Variants in HLA-DOA observed in about 807,000 individuals in gnomAD.
The protein encoded by HLA-DOA is major histocompatibility complex, class II, DO alpha.
HLA-DOA carries 27 observed loss-of-function variants against 22.9 expected under a neutral mutation model. The ratio of observed to expected loss-of-function variants is 1.18; its 90% CI spans 0.87 to 1.62. The LOEUF (loss-of-function observed/expected upper bound fraction) is 1.62. Among genes scored for constraint, HLA-DOA ranks in the 40% most tolerant of loss-of-function variants. The probability of loss-of-function intolerance (pLI) is 0.00; values close to 1 mark genes in which losing one functional copy is unlikely to be tolerated. For synonymous variants in HLA-DOA, 137 were observed against 138.6 expected (o/e 0.99, Z 0.08); for missense variants, 324 against 332.4 (o/e 0.97, Z 0.20).
chr6:33,008,269 T>G lies in HLA-DOA; in HGVS notation c.83-8A>C. 6.2e-7 allele frequency: 1 copy of G among 1,612,062 alleles called. No individual in the cohort carries two copies. The highest frequency in any genetic ancestry group is 8.5e-7 in the Non-Finnish European group (1 of 1,179,626). ...AGGAGCCCATGTGGTCAGCTGTGTT[T>G]GGCGAGTTCAGGGTCAAGGAGAGAG... is the stretch of plus-strand genomic sequence containing the variant. On this transcript the variant is annotated splice_region_variant and splice_polypyrimidine_tract_variant and intron_variant, in intron 1 of 4. Coordinates refer to ENST00000229829, the MANE Select transcript of HLA-DOA (RefSeq NM_002119.4).
In HLA-DOA at chr6:33,009,407, TCC is replaced by T. The variant is rs1411683700; in HGVS notation, c.82+46_82+47del. The T allele has an allele frequency of 7.2e-7, 1 of 1,387,458 alleles. No homozygotes were observed. Among genetic ancestry groups the T allele is most frequent in the African/African-American group, 1.4e-5 (1 of 69,712 alleles). 85.9% of individuals were successfully genotyped at this position (1,387,458 alleles called of 1,614,324 possible). On this transcript the variant is annotated intron_variant, in intron 1 of 4. Coordinates refer to ENST00000229829, the MANE Select transcript of HLA-DOA (RefSeq NM_002119.4). This position sits in a 1 kb window ranked among gnomAD's most constrained non-coding sequence, Gnocchi z 4.8. ...ATGCCACCTCCTCATGTAACCCAAC[TCC>T]GTAAATCTCTGCTCCCCGCCGCACC... is the stretch of plus-strand genomic sequence containing the variant.
At chr6:33,006,895 T>C (rs1041754717) in intron 4 of HLA-DOA, 54 bp from the exon 5 acceptor site, 2 of 1,517,186 alleles carry the variant, frequency 1.3e-6, no homozygotes, top group African/African-American at 2.7e-5. Flanking sequence ...TATGCTGGGA[T>C]CCTATCTCTG....
rs1446077184 is a variant in HLA-DOA, at chr6:33,006,756, G to A, written c.*82C>T. The A allele has an allele frequency of 6.2e-7, 1 of 1,611,484 alleles. No homozygotes were observed. Among genetic ancestry groups the A allele is most frequent in the African/African-American group, 1.3e-5 (1 of 74,896 alleles). ...TCAGCACAGCGGGATGCACTTAAAG[G>A]GCACTGAGCACGCAGGGGCTGTCAC... On this transcript the variant is annotated 3_prime_UTR_variant, in exon 5 of 5. Transcript: ENST00000229829.
chr6:33,007,051 C>G, intron 4 of HLA-DOA, 29 bp downstream of exon 4: 4 of 1,592,028 alleles, frequency 2.5e-6, no homozygotes, highest in East Asian at 4.5e-5. Context: ...TTTCCTCCCC[C>G]ACCCCCCAGA....
chr6:33,008,419 G>C, intron 1 of HLA-DOA, 158 bp from the exon 2 acceptor site: 2 of 1,443,818 alleles, frequency 1.4e-6, no homozygotes. Flanking sequence ...GAGAGAGAAA[G>C]GGAGAGAGAA....
rs1780796615 is a variant in HLA-DOA at position 33,006,053 on chromosome 6, A to G, written c.*785T>C. 1 of 152,188 alleles carries G rather than the reference A, an allele frequency of 6.6e-6. No individual in the cohort carries two copies. The highest frequency in any genetic ancestry group is 6.5e-5 in the Admixed American group (1 of 15,280). The allele number at this position is 152,188 out of a possible 1,614,324, so 9.4% of individuals were successfully genotyped here. A position where few individuals can be genotyped will look rare whatever the true frequency, so the allele number is the denominator to read the frequency against. On this transcript the variant is annotated 3_prime_UTR_variant, in exon 5 of 5. Coordinates refer to ENST00000229829, the MANE Select transcript of HLA-DOA (RefSeq NM_002119.4). ...AAAGTAGACCAAAATCTTCTAGGCCACATATTTAGAGTGTGTCTAGGTGGA... is the reference window on the plus strand; with the variant it reads ...AAAGTAGACCAAAATCTTCTAGGCCGCATATTTAGAGTGTGTCTAGGTGGA...
rs1204410678 is a variant in HLA-DOA, at chr6:33,009,527, T to A, written c.10A>T (p.Arg4Ter). The change falls in exon 1 of 5, where the codon AGA becomes TGA. Residue 4 changes from arginine to a stop codon, truncating the protein, a stop_gained. Transcript: ENST00000229829. LOFTEE classifies it high-confidence loss of function. The surrounding 1 kb of genome is among the most constrained non-coding windows in gnomAD (Gnocchi z 4.8). The part of the protein sequence containing the change: MAL[R>*]AGLVLGFHTL... ...TGGAACCCCAGGACCAGCCCTGCTC[T>A]GAGGGCCATTACACTCTGGTGCTTT... 6.2e-7 allele frequency: 1 copy of A among 1,603,118 alleles called. No homozygotes were observed. The highest frequency in any genetic ancestry group is 8.5e-7 in the Non-Finnish European group (1 of 1,176,144).
chr6:33,005,195 G>T lies in HLA-DOA; in HGVS notation c.*1643C>A, dbSNP rs1780760545. The T allele has an allele frequency of 6.6e-6, 1 of 152,266 alleles. No homozygotes were observed. Among genetic ancestry groups the T allele is most frequent in the South Asian group, 2.1e-4 (1 of 4,832 alleles). The allele number at this position is 152,266 out of a possible 1,614,324, so 9.4% of individuals were successfully genotyped here. On this transcript the variant is annotated 3_prime_UTR_variant, in exon 5 of 5. Transcript: ENST00000229829. ...GCTGCATCAGAGTCATCCAGAGCCG[G>T]TTAAAAATGACAGCCTCGGCTGGGC... is the stretch of plus-strand genomic sequence containing the variant.
At chr6:33,008,395 T>A in intron 1 of HLA-DOA, 134 bp from the exon 2 acceptor site, 1 of 1,478,626 alleles carries the variant, frequency 6.8e-7, no homozygotes, top group Non-Finnish European at 8.9e-7. Flanking sequence ...GTTCTGACAC[T>A]GGGCTGGCCC....
chr6:33,004,389 G>T lies in HLA-DOA; in HGVS notation c.*2449C>A, dbSNP rs1181546987. On this transcript the variant is annotated 3_prime_UTR_variant, in exon 5 of 5. Transcript: ENST00000229829. ...GAAGAACTTGACCCCTCGCCCCGGG[G>T]CTGAGTGCTTGGCAGCCACATTTGT... The T allele has an allele frequency of 1.3e-5, 2 of 152,228 alleles. No individual in the cohort carries two copies. The highest frequency in any genetic ancestry group is 2.9e-5 in the Non-Finnish European group (2 of 68,070). The allele number at this position is 152,228 out of a possible 1,614,324, so 9.4% of individuals were successfully genotyped here.
rs746996524 is a variant in HLA-DOA, at chr6:33,008,208, C to G, written c.136G>C (p.Gly46Arg). Residue 46 changes from glycine to arginine, a missense_variant, in exon 2 of 5, where the codon GGC becomes CGC. Gly to Arg is a moderately radical substitution (Grantham distance 125). Coordinates refer to ENST00000229829, the MANE Select transcript of HLA-DOA (RefSeq NM_002119.4). Reference protein sequence around the residue: ...PAFYQSYGASGQFTHEFDEEQ... With the variant: ...PAFYQSYGASRQFTHEFDEEQ... ...TCATCAAATTCATGGGTGAACTGGC[C>G]CGAGGCGCCGTAAGACTGGTAGAAG... 1 of 1,613,050 alleles carries G rather than the reference C, an allele frequency of 6.2e-7. No individual in the cohort carries two copies. The highest frequency in any genetic ancestry group is 1.1e-5 in the South Asian group (1 of 91,074).
At position 33,007,897 on chromosome 6, in the gene HLA-DOA, G is replaced by A. The variant is rs948698945; in HGVS notation, c.331+116C>T. The A allele has an allele frequency of 5.1e-5, 69 of 1,358,882 alleles. No individual in the cohort carries two copies. The African/African-American group carries it at 9.6e-4, about 19-fold the overall frequency. 84.2% of individuals were successfully genotyped at this position (1,358,882 alleles called of 1,614,324 possible). ...AGCCTCCTGGGAAAGAAAGGAACAG[G>A]GCATGACAGGCGCGGGCGCTGAGAG... On this transcript the variant is annotated intron_variant, in intron 2 of 4. Transcript: ENST00000229829.
intron 2 of HLA-DOA, 47 bp from the exon 3 acceptor site, chr6:33,007,639 G>A (rs753064868): frequency 2.6e-6 from 4 of 1,564,348 alleles, no homozygotes; most frequent in Middle Eastern, 1.7e-4. Context: ...CTCACCCCAG[G>A]GCCTTACTAG....
At position 33,006,653 on chromosome 6, in the gene HLA-DOA, G is replaced by T; in HGVS notation, c.*185C>A. The T allele has an allele frequency of 2.6e-6, 2 of 782,094 alleles. No homozygotes were observed. Among genetic ancestry groups the T allele is most frequent in the Non-Finnish European group, 2.2e-6 (1 of 453,132 alleles). The allele number at this position is 782,094 out of a possible 1,614,324, so 48.4% of individuals were successfully genotyped here. On this transcript the variant is annotated 3_prime_UTR_variant, in exon 5 of 5. Coordinates refer to ENST00000229829, the MANE Select transcript of HLA-DOA (RefSeq NM_002119.4). ...GTTGAATGGGAAGGGAAGCTAGTAG[G>T]TGTCCAACAAACCCTGCCATGAATA...
In HLA-DOA at chr6:33,007,308, T is replaced by G; in HGVS notation, c.613+3A>C. 8 of 1,612,938 alleles carry G rather than the reference T, an allele frequency of 5.0e-6. No individual in the cohort carries two copies. Among genetic ancestry groups the G allele is most frequent in the Non-Finnish European group, 6.8e-6 (8 of 1,179,934 alleles). ...GAGGGTGCATGGGGAGGGGGCTCCG[T>G]ACCCCAATGCCTGAGGAGTGGCGCA... On this transcript the variant is annotated splice_donor_region_variant and intron_variant, in intron 3 of 4. Coordinates refer to ENST00000229829, the MANE Select transcript of HLA-DOA (RefSeq NM_002119.4).
chr6:33,008,351 C>T, intron 1 of HLA-DOA, 90 bp from the exon 2 acceptor site: 1 of 1,539,886 alleles, frequency 6.5e-7, no homozygotes, highest in Non-Finnish European at 8.7e-7. Context: ...TGAGCCTGGG[C>T]CCCGTCCTGG....
At chr6:33,007,057 C>G (rs1164422510) in intron 4 of HLA-DOA, 23 bp downstream of exon 4, 1 of 1,596,116 alleles carries the variant, frequency 6.3e-7, no homozygotes. Context: ...CCCCCACCCC[C>G]CAGACTCCCG....
At chr6:33,008,546 T>A in intron 1 of HLA-DOA, 1 of 716,444 alleles carries the variant, frequency 1.4e-6, no homozygotes. Flanking sequence ...TTCCAGAATT[T>A]AAATCTTGGC....
Position 33,007,315 on chromosome 6 carries a change from A to G in HLA-DOA, c.609T>C (p.His203=), listed in dbSNP as rs1294325927. Residue 203 remains histidine (H), a synonymous_variant, in exon 3 of 5, where the codon CAT becomes CAC. Coordinates refer to ENST00000229829, the MANE Select transcript of HLA-DOA (RefSeq NM_002119.4). The stretch of plus-strand genomic sequence containing the variant: ...CATGGGGAGGGGGCTCCGTACCCCA[A>G]TGCCTGAGGAGTGGCGCATCCAGGC... The part of the protein sequence containing the change: ...HWGLDAPLLR[H]WELQVPIPPP... The G allele has an allele frequency of 3.1e-6, 5 of 1,612,786 alleles. No homozygotes were observed. Among genetic ancestry groups the G allele is most frequent in the African/African-American group, 1.3e-5 (1 of 74,928 alleles).
Sources: gnomAD v4.1 joint callset for allele counts on GRCh38, gnomAD v4.1.1 for gene constraint, Gnocchi (gnomAD v3.1) non-coding constraint, MANE v1.5 for transcripts, NCBI Gene and HGNC (gene_info 2026-07-23, HGNC 2026-07-21) for gene names.